The following DLG2 variants were observed in gnomAD, a reference collection of about 807,000 sequenced individuals.
DLG2 encodes the protein discs large MAGUK scaffold protein 2.
In DLG2, 45 loss-of-function variants were observed where a neutral mutation model predicts 132.5. The ratio of observed to expected loss-of-function variants is 0.34; its 90% CI spans 0.27 to 0.44. The LOEUF (loss-of-function observed/expected upper bound fraction) is 0.44, where lower values mean the gene tolerates loss of function less well. Ranked by LOEUF, DLG2 falls within the 20% of genes least tolerant of loss-of-function variation. The pLI, the probability that DLG2 is intolerant of heterozygous loss-of-function variation, is 1.00. For missense variants in DLG2, 1,045 were observed against 1,196.9 expected, an observed-to-expected ratio of 0.87 and a Z score of 1.87; for synonymous variants, 424 against 419.6, an observed-to-expected ratio of 1.01 and a Z score of -0.13.
At chr11:84,844,131 GTGTGTATATATATA>G (rs1311926509) in intron 6 of DLG2, among the ~76,000 whole-genome samples, 1 of 26,400 alleles carries the variant, frequency 3.8e-5, no homozygotes, top group Admixed American at 3.7e-4. Flanking sequence ...GTGTGTGTGT[GTGTGTATATATATA>G]TATATATATA....
intron 4 of DLG2, among the ~76,000 whole-genome samples, chr11:85,216,085 G>A (rs898511835): frequency 6.6e-6 from 1 of 151,664 alleles, no homozygotes; most frequent in African/African-American, 2.4e-5. Flanking sequence ...CAGAGGCTGA[G>A]GAGAGAGGAT....
At chr11:83,654,297 T>A (rs2071612512) in intron 18 of DLG2, among the ~76,000 whole-genome samples, 1 of 152,204 alleles carries the variant, frequency 6.6e-6, no homozygotes, top group Non-Finnish European at 1.5e-5. Flanking sequence ...TAGCCTGGCA[T>A]TCGAGGCCAA....
chr11:84,276,719 C>T (rs978329580), intron 7 of DLG2, among the ~76,000 whole-genome samples: 1 of 152,306 alleles, frequency 6.6e-6, no homozygotes, highest in Admixed American at 6.5e-5. Context: ...CTAACTTAGA[C>T]TGCAGACCTC....
chr11:84,892,940 C>T (rs181037270), intron 6 of DLG2, among the ~76,000 whole-genome samples: 2 of 152,014 alleles, frequency 1.3e-5, no homozygotes, highest in Admixed American at 1.3e-4. Context: ...TTTCCACAGC[C>T]CCCCAAGAAC....
intron 11 of DLG2, among the ~76,000 whole-genome samples, chr11:84,006,063 C>T (rs12797177): frequency 0.022 from 3,362 of 151,808 alleles, 66 homozygotes; most frequent in Middle Eastern, 0.034. Flanking sequence ...ATAGCAAAGA[C>T]ATGAAATCAA....
intron 6 of DLG2, among the ~76,000 whole-genome samples, chr11:85,066,779 A>G (rs1377792190): frequency 6.6e-6 from 1 of 151,764 alleles, no homozygotes; most frequent in Admixed American, 6.6e-5. Flanking sequence ...CTTAGCATCA[A>G]AAAACGAGCT....
chr11:84,234,270 G>C (rs2154338216), intron 8 of DLG2, among the ~76,000 whole-genome samples: 1 of 152,314 alleles, frequency 6.6e-6, no homozygotes, highest in Non-Finnish European at 1.5e-5. Context: ...CAGCCTCCAA[G>C]TGTATTTCCT....
chr11:84,073,833 T>G (rs966816298), intron 10 of DLG2, among the ~76,000 whole-genome samples: 1 of 152,216 alleles, frequency 6.6e-6, no homozygotes, highest in Non-Finnish European at 1.5e-5. Context: ...TTACCATGAC[T>G]ATAACAGGTG....
chr11:85,567,774 C>T (rs536054074), intron 3 of DLG2, among the ~76,000 whole-genome samples: 1 of 152,166 alleles, frequency 6.6e-6, no homozygotes, highest in Non-Finnish European at 1.5e-5. Context: ...TGCAGATTCC[C>T]TTTTGCAGGC....
chr11:84,393,945 G>C (rs1021418835), intron 7 of DLG2, among the ~76,000 whole-genome samples: 2 of 152,040 alleles, frequency 1.3e-5, no homozygotes, highest in African/African-American at 4.8e-5. Flanking sequence ...GAGTGCAGAG[G>C]CGTGATCTTG....
chr11:84,499,813 T>C (rs1431644444), intron 7 of DLG2, among the ~76,000 whole-genome samples: 1 of 152,070 alleles, frequency 6.6e-6, no homozygotes, highest in Non-Finnish European at 1.5e-5. Flanking sequence ...ATTAAGCACT[T>C]AATTTTAAAT....
Position 85,230,416 on chromosome 11 carries a change from C to T in DLG2, c.186+54804G>A, listed in dbSNP as rs181071522. The stretch of plus-strand genomic sequence containing the variant: ...CAAGTATGCTGATGTTGAATTATCT[C>T]GTATTCATTTATTTAAATAAACATA... On this transcript the variant is annotated intron_variant, in intron 4 of 27. Coordinates refer to ENST00000376104, the MANE Select transcript of DLG2 (RefSeq NM_001142699.3). Among the ~76,000 whole-genome samples the T allele has an allele frequency of 3.2e-3, 489 of 150,796 alleles. 1 individual carries two copies. The highest frequency in any genetic ancestry group is 8.9e-3 in the Admixed American group (134 of 15,050).
At chr11:83,601,178 A>G (rs1241649600) in intron 19 of DLG2, among the ~76,000 whole-genome samples, 1 of 152,210 alleles carries the variant, frequency 6.6e-6, no homozygotes, top group Non-Finnish European at 1.5e-5. Context: ...TTTATGTTGG[A>G]AGAGAAATAG....
chr11:85,094,539 C>A (rs1486733060), intron 6 of DLG2, among the ~76,000 whole-genome samples: 1 of 152,192 alleles, frequency 6.6e-6, no homozygotes, highest in African/African-American at 2.4e-5. Context: ...TGCTTCTTCA[C>A]CTTGCAGTTT....
chr11:84,917,968 C>T (rs1477000951), intron 6 of DLG2, among the ~76,000 whole-genome samples: 1 of 152,116 alleles, frequency 6.6e-6, no homozygotes, highest in Non-Finnish European at 1.5e-5. Context: ...GTTACTCGAA[C>T]GGTCCATACA....
chr11:83,754,350 A>G (rs2093562028), intron 18 of DLG2, among the ~76,000 whole-genome samples: 1 of 151,138 alleles, frequency 6.6e-6, no homozygotes, highest in African/African-American at 2.5e-5. Context: ...ATTAAATGTC[A>G]AGTATATCCA....
chr11:84,626,806 T>C (rs1346622807), intron 6 of DLG2, among the ~76,000 whole-genome samples: 2 of 151,716 alleles, frequency 1.3e-5, no homozygotes, highest in Admixed American at 1.3e-4. Context: ...ACCTGCTATA[T>C]TTATATGCTC....
intron 18 of DLG2, among the ~76,000 whole-genome samples, chr11:83,777,979 G>A (rs2094654360): frequency 6.6e-6 from 1 of 152,074 alleles, no homozygotes; most frequent in African/African-American, 2.4e-5. Context: ...ATATGACTTA[G>A]GCGTGCTCAA....
At chr11:84,709,807 G>T (rs1361589293) in intron 6 of DLG2, among the ~76,000 whole-genome samples, 1 of 151,878 alleles carries the variant, frequency 6.6e-6, no homozygotes, top group Non-Finnish European at 1.5e-5. Context: ...CACTTCTCAA[G>T]AAGTGTTGGA....
Sources: allele counts gnomAD v4.1 joint callset (sites outside exome capture counted in the v4.1 genomes callset), GRCh38; gene constraint gnomAD v4.1.1; transcripts MANE v1.5; gene names NCBI Gene and HGNC (gene_info 2026-07-23, HGNC 2026-07-21).